The following NRXN3 variants were observed in gnomAD, a reference collection of about 807,000 sequenced individuals.
The protein encoded by NRXN3 is neurexin III.
NRXN3 carries 32 observed loss-of-function variants against 137.6 expected under a neutral mutation model. The ratio of observed to expected loss-of-function variants is 0.23; its 90% CI spans 0.18 to 0.31. The LOEUF is 0.31. Among genes scored for constraint, NRXN3 ranks in the 10% least tolerant of loss-of-function variants. NRXN3 has a pLI of 1.00. For synonymous variants in NRXN3, 798 were observed against 784.5 expected, an observed-to-expected ratio of 1.02 and a Z score of -0.29; for missense variants, 1,574 against 2,062.5, an observed-to-expected ratio of 0.76 and a Z score of 4.59.
chr14:78,883,973 G>T (rs1354425575), intron 10 of NRXN3, among the ~76,000 whole-genome samples: 2 of 152,200 alleles, frequency 1.3e-5, no homozygotes, highest in East Asian at 3.8e-4. Context: ...TAATGGTCAA[G>T]TGTCATTGAG....
chr14:78,906,652 G>T (rs2099217762), intron 10 of NRXN3, among the ~76,000 whole-genome samples: 1 of 151,986 alleles, frequency 6.6e-6, no homozygotes, highest in Non-Finnish European at 1.5e-5. Flanking sequence ...TCCTAGGCAA[G>T]CAAGGCCATT....
At chr14:78,841,481 A>T (rs2099012373) in intron 10 of NRXN3, among the ~76,000 whole-genome samples, 1 of 152,064 alleles carries the variant, frequency 6.6e-6, no homozygotes, top group Admixed American at 6.6e-5. Context: ...GACTATGCCC[A>T]CTGTCTGGAA....
At chr14:78,782,285 T>C (rs1390837629) in intron 8 of NRXN3, among the ~76,000 whole-genome samples, 2 of 152,216 alleles carry the variant, frequency 1.3e-5, no homozygotes, top group Non-Finnish European at 2.9e-5. Flanking sequence ...CTGTAAGAAC[T>C]TTTAACATTT....
intron 8 of NRXN3, among the ~76,000 whole-genome samples, chr14:78,767,444 A>C (rs2098712627): frequency 6.6e-6 from 1 of 152,232 alleles, no homozygotes; most frequent in African/African-American, 2.4e-5. Flanking sequence ...AGGGAGGGGA[A>C]TCACATGAAA....
chr14:79,181,146 A>T (rs892786840), intron 15 of NRXN3, among the ~76,000 whole-genome samples: 1 of 151,926 alleles, frequency 6.6e-6, no homozygotes, highest in African/African-American at 2.4e-5. Flanking sequence ...GTCTATAAAG[A>T]TTCTAAATAG....
chr14:79,509,056 C>A (rs2096907111), intron 16 of NRXN3, among the ~76,000 whole-genome samples: 1 of 151,936 alleles, frequency 6.6e-6, no homozygotes, highest in African/African-American at 2.4e-5. Context: ...TTAGCCGGTT[C>A]TGGTGGCACG....
At chr14:78,577,570 A>G (rs1428826860) in intron 4 of NRXN3, among the ~76,000 whole-genome samples, 1 of 152,104 alleles carries the variant, frequency 6.6e-6, no homozygotes, top group African/African-American at 2.4e-5. Context: ...GGTTCAAGCG[A>G]TCCTCCTGCC....
At chr14:78,704,663 C>A (rs949397697) in intron 6 of NRXN3, among the ~76,000 whole-genome samples, 5 of 152,024 alleles carry the variant, frequency 3.3e-5, no homozygotes, top group Non-Finnish European at 7.4e-5. Flanking sequence ...ATATCCTTAC[C>A]CCAGTGCAGT....
At chr14:79,349,244 C>T (rs764380620) in intron 15 of NRXN3, among the ~76,000 whole-genome samples, 1 of 151,892 alleles carries the variant, frequency 6.6e-6, no homozygotes, top group African/African-American at 2.4e-5. Flanking sequence ...CTAAAAAATT[C>T]AAATTTTACA....
At chr14:78,228,772 A>G (rs1286876043) in intron 1 of NRXN3, among the ~76,000 whole-genome samples, 1 of 152,184 alleles carries the variant, frequency 6.6e-6, no homozygotes, top group Admixed American at 6.5e-5. Flanking sequence ...GAATCCCAGA[A>G]TACCAGAACC....
intron 8 of NRXN3, among the ~76,000 whole-genome samples, chr14:78,772,718 C>T (rs2098732414): frequency 6.6e-6 from 1 of 152,096 alleles, no homozygotes; most frequent in South Asian, 2.1e-4. Context: ...GCATTTCTAG[C>T]AAGCTCCCAG....
At chr14:79,831,394 G>C (rs1364654729) in intron 20 of NRXN3, among the ~76,000 whole-genome samples, 1 of 152,150 alleles carries the variant, frequency 6.6e-6, no homozygotes, top group African/African-American at 2.4e-5. Context: ...ATGCAAGATG[G>C]GAACACGCTT....
At chr14:79,699,044 G>C (rs2098745159) in intron 19 of NRXN3, among the ~76,000 whole-genome samples, 1 of 151,840 alleles carries the variant, frequency 6.6e-6, no homozygotes, top group South Asian at 2.1e-4. Context: ...TCTTTGCATG[G>C]CTCCACAGTA....
intron 15 of NRXN3, among the ~76,000 whole-genome samples, chr14:79,308,844 CT>C (rs34580008): frequency 0.04 from 3,600 of 89,398 alleles, 59 homozygotes; most frequent in Middle Eastern, 0.081. Context: ...GGGAAGCATT[CT>C]TTTTTTTTTT....
chr14:78,950,146 T>A (rs997828757), intron 10 of NRXN3, among the ~76,000 whole-genome samples: 2 of 152,154 alleles, frequency 1.3e-5, no homozygotes, highest in African/African-American at 2.4e-5. Flanking sequence ...AAAGTTTTTT[T>A]AAAAACAAGA....
At chr14:79,171,960 T>G (rs2061825771) in intron 15 of NRXN3, among the ~76,000 whole-genome samples, 1 of 152,110 alleles carries the variant, frequency 6.6e-6, no homozygotes, top group Admixed American at 6.5e-5. Context: ...AAACCAGGAT[T>G]AATGTTTTAC....
chr14:79,142,709 G>A (rs375848843), intron 15 of NRXN3, among the ~76,000 whole-genome samples: 11 of 152,232 alleles, frequency 7.2e-5, no homozygotes, highest in African/African-American at 1.9e-4. Context: ...GCCATGGGGT[G>A]GACAAATGGC....
At chr14:79,107,928 C>T (rs1394770528) in intron 15 of NRXN3, among the ~76,000 whole-genome samples, 1 of 152,016 alleles carries the variant, frequency 6.6e-6, no homozygotes, top group African/African-American at 2.4e-5. Context: ...TAGTCAGGAC[C>T]AATATAAATG....
chr14:79,256,191 T>TCTCTCTCTCA (rs911110106), intron 15 of NRXN3, among the ~76,000 whole-genome samples: 37 of 150,424 alleles, frequency 2.5e-4, no homozygotes, highest in African/African-American at 8.8e-4. Context: ...TCTCTCTCTC[T>TCTCTCTCTCA]CACACACACA....
Sources: gnomAD v4.1 joint callset for allele counts (sites outside exome capture counted in the v4.1 genomes callset) on GRCh38, gnomAD v4.1.1 for gene constraint, MANE v1.5 for transcripts, NCBI Gene and HGNC (gene_info 2026-07-23, HGNC 2026-07-21) for gene names.